The following FAT3 variants were observed in gnomAD, a reference collection of about 807,000 sequenced individuals.
FAT3 encodes FAT atypical cadherin 3.
In FAT3, 95 loss-of-function variants were observed where a neutral mutation model predicts 310.2. The ratio of observed to expected loss-of-function variants is 0.31; its 90% confidence interval spans 0.26 to 0.36. The LOEUF (loss-of-function observed/expected upper bound fraction) is 0.36, where lower values mean the gene tolerates loss of function less well. Among genes scored for constraint, FAT3 ranks in the 10% least tolerant of loss-of-function variants. FAT3 has a pLI of 1.00. For missense variants in FAT3, 5,408 were observed against 5,715.6 expected (o/e 0.95, Z 1.74); for synonymous variants, 2,314 against 2,192.9 (o/e 1.06, Z -1.54).
chr11:92,571,389 C>G (rs1042232257), intron 3 of FAT3, among the ~76,000 whole-genome samples: 21 of 152,136 alleles, frequency 1.4e-4, no homozygotes, highest in African/African-American at 5.1e-4. Flanking sequence ...GAATTAGTGA[C>G]AAGCAGCAGC....
chr11:92,368,625 C>T (rs930831402), intron 2 of FAT3, among the ~76,000 whole-genome samples: 1 of 152,092 alleles, frequency 6.6e-6, no homozygotes, highest in African/African-American at 2.4e-5. Context: ...AGAGTAGCTT[C>T]TGGCTCTGTT....
intron 1 of FAT3, among the ~76,000 whole-genome samples, chr11:92,315,550 G>C (rs897436748): frequency 6.9e-6 from 1 of 144,966 alleles, no homozygotes; most frequent in African/African-American, 2.5e-5. Context: ...GAGAGAGAGA[G>C]AGAGACTGTG....
At chr11:92,503,922 G>T (rs776090530) in intron 2 of FAT3, among the ~76,000 whole-genome samples, 1 of 152,088 alleles carries the variant, frequency 6.6e-6, no homozygotes, top group African/African-American at 2.4e-5. Context: ...TTGAAGCAGT[G>T]TCATTTTATA....
intron 2 of FAT3, among the ~76,000 whole-genome samples, chr11:92,427,889 A>G (rs1291371115): frequency 6.6e-6 from 1 of 152,030 alleles, no homozygotes; most frequent in Non-Finnish European, 1.5e-5. Flanking sequence ...CTCATAAATG[A>G]GTTAGGGAGG....
intron 22 of FAT3, among the ~76,000 whole-genome samples, chr11:92,873,582 CTTGA>C (rs1332298439): frequency 1.3e-5 from 2 of 152,212 alleles, no homozygotes; most frequent in African/African-American, 2.4e-5. Context: ...CAGGAATTAT[CTTGA>C]TTATTTGCCT....
At chr11:92,270,524 C>CA (rs35629929) in intron 1 of FAT3, among the ~76,000 whole-genome samples, 2,527 of 135,872 alleles carry the variant, frequency 0.019, 35 homozygotes, top group African/African-American at 0.048. Context: ...AATAAAAATA[C>CA]AAAAAAAAAA....
intron 1 of FAT3, among the ~76,000 whole-genome samples, chr11:92,266,122 G>T (rs1374987251): frequency 6.6e-6 from 1 of 152,066 alleles, no homozygotes; most frequent in Non-Finnish European, 1.5e-5. Context: ...ACTTTGACTT[G>T]CAAGGAGATT....
At position 92,831,781 on chromosome 11, in the gene FAT3, A is replaced by G; in HGVS notation, c.9641A>G (p.Gln3214Arg). 7 of 1,613,556 alleles carry G rather than the reference A, an allele frequency of 4.3e-6. No homozygotes were observed. The highest frequency in any genetic ancestry group is 5.9e-6 in the Non-Finnish European group (7 of 1,179,770). ...CGGGCCACTGACCAGAGTCCTGGAC[A>G]GTCCCTGTCCTCTCTCACTACTGTC... ...SVRATDQSPG[Q>R]SLSSLTTVTI... The change falls in exon 14 of 28, where the codon CAG (glutamine) becomes CGG (arginine). Residue 3214 changes from glutamine (Q) to arginine (R), a missense_variant. Transcript: ENST00000525166.
At chr11:92,583,505 C>A (rs1205287078) in intron 3 of FAT3, among the ~76,000 whole-genome samples, 1 of 151,946 alleles carries the variant, frequency 6.6e-6, no homozygotes, top group Non-Finnish European at 1.5e-5. Flanking sequence ...TCTCCAGGAA[C>A]CTTAGCAAAA....
chr11:92,397,255 C>A (rs1020764204), intron 2 of FAT3, among the ~76,000 whole-genome samples: 1 of 151,990 alleles, frequency 6.6e-6, no homozygotes, highest in South Asian at 2.1e-4. Context: ...GGGCACTAAG[C>A]AGTACATTTG....
intron 3 of FAT3, among the ~76,000 whole-genome samples, chr11:92,667,077 A>G (rs1942977754): frequency 6.6e-6 from 1 of 151,854 alleles, no homozygotes. Flanking sequence ...CCAGACAAAG[A>G]CAGATAATTT....
intron 4 of FAT3, among the ~76,000 whole-genome samples, chr11:92,761,607 A>G (rs1281459932): frequency 6.6e-6 from 1 of 152,170 alleles, no homozygotes; most frequent in African/African-American, 2.4e-5. Flanking sequence ...GTTCTGTCAG[A>G]TCAGGACTCA....
At chr11:92,296,921 C>G (rs752771057) in intron 1 of FAT3, among the ~76,000 whole-genome samples, 1 of 152,094 alleles carries the variant, frequency 6.6e-6, no homozygotes, top group African/African-American at 2.4e-5. Flanking sequence ...TGATCCAGAA[C>G]AGTGAGTATT....
Position 92,890,654 on chromosome 11 carries a change from C to T in FAT3, c.13311C>T (p.Tyr4437=), listed in dbSNP as rs2136444544. The stretch of plus-strand genomic sequence containing the variant: ...GTGGTTATGACATTGACAGTGAATA[C>T]CCACCCCCTCATGAAGAGGAGTTCT... ...YLGGYDIDSE[Y]PPPHEEEFLS... Residue 4437 remains tyrosine, a synonymous_variant, in exon 28 of 28, where the codon TAC becomes TAT. Transcript: ENST00000525166. 1.2e-6 allele frequency: 2 copies of T among 1,613,744 alleles called. No homozygotes were observed. The highest frequency in any genetic ancestry group is 1.7e-6 in the Non-Finnish European group (2 of 1,179,836).
chr11:92,415,153 A>C (rs2134947838), intron 2 of FAT3, among the ~76,000 whole-genome samples: 1 of 152,328 alleles, frequency 6.6e-6, no homozygotes, highest in African/African-American at 2.4e-5. Context: ...GGGAAAAGAA[A>C]AATAGATTTT....
intron 1 of FAT3, among the ~76,000 whole-genome samples, chr11:92,332,361 G>A (rs909536838): frequency 6.6e-6 from 1 of 152,196 alleles, no homozygotes; most frequent in Non-Finnish European, 1.5e-5. Context: ...TGGTGGGTAA[G>A]AGCCTAGGCA....
At chr11:92,229,194 G>A (rs556461760) in intron 1 of FAT3, among the ~76,000 whole-genome samples, 1 of 152,202 alleles carries the variant, frequency 6.6e-6, no homozygotes, top group South Asian at 2.1e-4. Context: ...TTACTTATTG[G>A]TGAAATTTTC....
At chr11:92,385,363 C>T (rs1949592870) in intron 2 of FAT3, among the ~76,000 whole-genome samples, 1 of 151,932 alleles carries the variant, frequency 6.6e-6, no homozygotes, top group Non-Finnish European at 1.5e-5. Flanking sequence ...GAGACAGAGT[C>T]TTATTTTATT....
chr11:92,572,987 A>G (rs1565423888), intron 3 of FAT3, among the ~76,000 whole-genome samples: 1 of 152,160 alleles, frequency 6.6e-6, no homozygotes, highest in Non-Finnish European at 1.5e-5. Context: ...TTAGGCAACA[A>G]TGATTAATTG....
Sources: gnomAD v4.1 joint callset for allele counts (sites outside exome capture counted in the v4.1 genomes callset) on GRCh38, gnomAD v4.1.1 for gene constraint, MANE v1.5 for transcripts, NCBI Gene and HGNC (gene_info 2026-07-23, HGNC 2026-07-21) for gene names.